The following SMUG1 variants were observed in gnomAD, a reference collection of about 807,000 sequenced individuals.
SMUG1 encodes the protein single-strand selective monofunctional uracil DNA glycosylase.
Under a neutral mutation model 23.9 loss-of-function variants are expected in SMUG1, and 13 were observed. The ratio of observed to expected loss-of-function variants is 0.54; its 90% CI spans 0.35 to 0.86. SMUG1 has a LOEUF of 0.86. Among genes scored for constraint, SMUG1 ranks in the 40% least tolerant of loss-of-function variants. The pLI is 0.01. For synonymous variants in SMUG1, 133 were observed against 139.8 expected, an observed-to-expected ratio of 0.95 and a Z score of 0.34; for missense variants, 313 against 339.5, an observed-to-expected ratio of 0.92 and a Z score of 0.61.
At chr12:54,179,521 C>T (rs907979470), downstream of SMUG1, among the ~76,000 whole-genome samples, 11 of 152,114 alleles carry the variant, frequency 7.2e-5, no homozygotes, top group African/African-American at 1.9e-4. Flanking sequence ...GCACTCACTA[C>T]GTAGCACTGA....
downstream of SMUG1, among the ~76,000 whole-genome samples, chr12:54,163,505 T>G (rs1940338822): frequency 6.6e-6 from 1 of 152,182 alleles, no homozygotes; most frequent in Non-Finnish European, 1.5e-5. Context: ...AATAAAGTCT[T>G]GAGACTAGGT....
intron 3 of SMUG1, among the ~76,000 whole-genome samples, chr12:54,166,354 G>C (rs1940465476): frequency 6.6e-6 from 1 of 152,132 alleles, no homozygotes. Context: ...GAGCGAGACT[G>C]TGTCACATAA....
chr12:54,171,386 T>C (rs1940611045), intron 3 of SMUG1, among the ~76,000 whole-genome samples: 1 of 151,562 alleles, frequency 6.6e-6, no homozygotes, highest in Non-Finnish European at 1.5e-5. Context: ...CAGTCTGGAC[T>C]TCACCATTAA....
At chr12:54,187,348 C>T (rs187186108) in intron 2 of SMUG1, 24 of 152,318 alleles carry the variant, frequency 1.6e-4, no homozygotes, top group African/African-American at 5.5e-4. Flanking sequence ...GGAAGTCCTT[C>T]CCTGACTGTC....
At chr12:54,183,178 C>A in intron 3 of SMUG1, 1 of 211,788 alleles carries the variant, frequency 4.7e-6, no homozygotes, top group Non-Finnish European at 9.3e-6. Context: ...CATCCTGAGC[C>A]CTGAAAGAAA....
intron 2 of SMUG1, among the ~76,000 whole-genome samples, chr12:54,174,059 C>G (rs1332157324): frequency 1.3e-5 from 2 of 152,188 alleles, no homozygotes; most frequent in African/African-American, 2.4e-5. Context: ...TAGGGGAACA[C>G]ACTACCCTAC....
At chr12:54,177,190 C>T (rs540975149), downstream of SMUG1, among the ~76,000 whole-genome samples, 19 of 152,330 alleles carry the variant, frequency 1.2e-4, 1 homozygote, top group South Asian at 3.7e-3. Context: ...CAGGACACTC[C>T]TGCCTGAACC....
chr12:54,188,512 T>A (rs2136949326), intron 1 of SMUG1: 1 of 151,876 alleles, frequency 6.6e-6, no homozygotes, highest in South Asian at 2.1e-4. Flanking sequence ...TAATCCCACC[T>A]ACTCGGGAGG....
At chr12:54,160,952 T>C (rs1940237673), downstream of SMUG1, among the ~76,000 whole-genome samples, 1 of 152,196 alleles carries the variant, frequency 6.6e-6, no homozygotes, top group Admixed American at 6.5e-5. Context: ...AGTCAACTCA[T>C]GCATGCCCTC....
Position 54,181,716 on chromosome 12 carries a change from T to C in SMUG1, c.*380A>G. On this transcript the variant is annotated 3_prime_UTR_variant, in exon 4 of 4. Coordinates refer to ENST00000682136, the MANE Select transcript of SMUG1 (RefSeq NM_001243787.2). ...TGGGTAGGTATCCTGGCAAGATATT[T>C]CCTCTGAAATAGTAAACGTGACCTT... The C allele has an allele frequency of 6.5e-7, 1 of 1,540,846 alleles. No homozygotes were observed. The highest frequency in any genetic ancestry group is 8.7e-7 in the Non-Finnish European group (1 of 1,148,200).
At position 54,188,075 on chromosome 12, in the gene SMUG1, T is replaced by C. The variant is rs373282466; in HGVS notation, c.-103-173A>G. 3.4e-4 allele frequency among the ~76,000 whole-genome samples: 51 copies of C among 151,922 alleles called. No individual in the cohort carries two copies. In the East Asian group the frequency reaches 8.7e-3, roughly 26 times the overall value. On this transcript the variant is annotated intron_variant, in intron 1 of 3. Coordinates refer to ENST00000682136, the MANE Select transcript of SMUG1 (RefSeq NM_001243787.2). ...TATTTTATAAAATACGGTGTCATAC[T>C]ACATTAAGCACAAAGACAGCGGAGT...
At chr12:54,177,303 T>C (rs1465019010), downstream of SMUG1, among the ~76,000 whole-genome samples, 1 of 152,174 alleles carries the variant, frequency 6.6e-6, no homozygotes, top group Non-Finnish European at 1.5e-5. Flanking sequence ...CTGAGACACT[T>C]GTTTTTTTAA....
downstream of SMUG1, chr12:54,162,629 C>G (rs983534002): frequency 1.3e-5 from 2 of 152,178 alleles, no homozygotes; most frequent in Admixed American, 1.3e-4. Context: ...AATGGAGTAG[C>G]AGGTATAAGA....
At position 54,182,559 on chromosome 12, in the gene SMUG1, G is replaced by A. The variant is rs1349979790; in HGVS notation, c.350C>T (p.Pro117Leu). The change falls in exon 4 of 4, where the codon CCT becomes CTT. Residue 117 changes from proline (P) to leucine (L), a missense_variant. Pro to Leu is a moderately conservative substitution (Grantham distance 98, BLOSUM62 -3). Coordinates refer to ENST00000682136, the MANE Select transcript of SMUG1 (RefSeq NM_001243787.2). ...TGGTCGTTTAGGATGCTCTTGGGGA[G>A]GGGTCAGCACAGGCCCCACAATGCC... is the stretch of plus-strand genomic sequence containing the variant. ...WLGIVGPVLT[P>L]PQEHPKRPVL... 2 of 1,614,014 alleles carry A rather than the reference G, an allele frequency of 1.2e-6. No homozygotes were observed. Among genetic ancestry groups the A allele is most frequent in the African/African-American group, 1.3e-5 (1 of 74,898 alleles).
chr12:54,182,455 G>A lies in SMUG1; in HGVS notation c.454C>T (p.Pro152Ser). The A allele has an allele frequency of 6.2e-7, 1 of 1,614,170 alleles. No homozygotes were observed. Among genetic ancestry groups the A allele is most frequent in the Non-Finnish European group, 8.5e-7 (1 of 1,180,042 alleles). Residue 152 changes from proline (P) to serine (S), a missense_variant, in exon 4 of 4, where the codon CCT (proline) becomes TCT (serine). Pro to Ser is a moderately conservative substitution (Grantham distance 74). Coordinates refer to ENST00000682136, the MANE Select transcript of SMUG1 (RefSeq NM_001243787.2). ...WGFFRNLCGQ[P>S]EVFFHHCFVH... ...AAACAGTGATGGAAGAAGACCTCAG[G>A]CTGTCCACAGAGGTTCCGGAAAAAG...
downstream of SMUG1, among the ~76,000 whole-genome samples, chr12:54,178,111 G>T (rs1940799028): frequency 6.6e-6 from 1 of 152,188 alleles, no homozygotes; most frequent in African/African-American, 2.4e-5. Context: ...GCAGCTATCT[G>T]CAAGCTAAGG....
At chr12:54,187,452 T>G (rs952618100) in intron 2 of SMUG1, among the ~76,000 whole-genome samples, 4 of 152,214 alleles carry the variant, frequency 2.6e-5, no homozygotes, top group African/African-American at 9.6e-5. Context: ...AGAACGCCAG[T>G]GTTTCAGGGG....
At chr12:54,159,188 G>C (rs1010596407) in intron 4 of SMUG1, among the ~76,000 whole-genome samples, 1 of 152,106 alleles carries the variant, frequency 6.6e-6, no homozygotes, top group Non-Finnish European at 1.5e-5. Flanking sequence ...GAGGAGAGGG[G>C]TCTCATAACA....
At chr12:54,165,240 C>T (rs1389326269) in intron 4 of SMUG1, 1 of 152,240 alleles carries the variant, frequency 6.6e-6, no homozygotes, top group Non-Finnish European at 1.5e-5. Flanking sequence ...ACATGATCAG[C>T]AGACCCTTCG....
Sources: gnomAD v4.1 joint callset for allele counts (sites outside exome capture counted in the v4.1 genomes callset) on GRCh38, gnomAD v4.1.1 for gene constraint, MANE v1.5 for transcripts, NCBI Gene and HGNC (gene_info 2026-07-23, HGNC 2026-07-21) for gene names.